Variants in SUPT3H observed in about 807,000 individuals in gnomAD.
SUPT3H encodes the protein transcription initiation protein SPT3 homolog.
SUPT3H carries 44 observed loss-of-function variants against 44.3 expected under a neutral mutation model. The observed-to-expected ratio is 0.99, with a 90% CI of 0.78 to 1.28. SUPT3H has a LOEUF of 1.28. Ranked by LOEUF, SUPT3H falls within the 50% of genes most tolerant of loss-of-function variation. SUPT3H has a pLI of 0.00. For synonymous variants in SUPT3H, 124 were observed against 125.6 expected, an observed-to-expected ratio of 0.99 and a Z score of 0.09; for missense variants, 380 against 387.1, an observed-to-expected ratio of 0.98 and a Z score of 0.15.
At chr6:45,182,025 C>T (rs575415124) in intron 2 of SUPT3H, among the ~76,000 whole-genome samples, 1 of 152,080 alleles carries the variant, frequency 6.6e-6, no homozygotes, top group Non-Finnish European at 1.5e-5. Context: ...TCCTTTTTCT[C>T]TGAACATAAT....
chr6:45,288,418 A>T (rs6940983), intron 2 of SUPT3H, among the ~76,000 whole-genome samples: 20,035 of 151,700 alleles, frequency 0.13, 1,538 homozygotes, highest in East Asian at 0.26. Context: ...AAACATAATA[A>T]CTATGCAATG....
At chr6:45,330,476 T>TCAAA (rs1391850503) in intron 2 of SUPT3H, among the ~76,000 whole-genome samples, 2 of 152,028 alleles carry the variant, frequency 1.3e-5, no homozygotes, top group African/African-American at 4.8e-5. Flanking sequence ...ACGTTATCAC[T>TCAAA]CTGTTTAACT....
At chr6:45,133,554 C>T (rs2153585555) in intron 2 of SUPT3H, among the ~76,000 whole-genome samples, 1 of 152,266 alleles carries the variant, frequency 6.6e-6, no homozygotes, top group Admixed American at 6.5e-5. Flanking sequence ...CTTGACAAAA[C>T]TGAAAAACAA....
intron 9 of SUPT3H, among the ~76,000 whole-genome samples, chr6:44,933,732 C>G (rs1187037435): frequency 2.6e-5 from 4 of 152,222 alleles, no homozygotes; most frequent in African/African-American, 9.6e-5. Context: ...AAGCCTCAAA[C>G]TTCTGGGCTC....
intron 2 of SUPT3H, among the ~76,000 whole-genome samples, chr6:45,340,901 T>G (rs998704781): frequency 6.6e-6 from 1 of 152,178 alleles, no homozygotes; most frequent in Non-Finnish European, 1.5e-5. Flanking sequence ...GTAGCATTCC[T>G]TATACTATGG....
intron 2 of SUPT3H, among the ~76,000 whole-genome samples, chr6:45,294,634 G>A (rs139274885): frequency 0.019 from 2,663 of 143,772 alleles, 50 homozygotes; most frequent in South Asian, 0.09. Context: ...CAAAGTTCCC[G>A]GACACAAAAT....
At chr6:45,279,711 C>T (rs957179134) in intron 2 of SUPT3H, among the ~76,000 whole-genome samples, 1 of 152,046 alleles carries the variant, frequency 6.6e-6, no homozygotes, top group Non-Finnish European at 1.5e-5. Flanking sequence ...CATAAATTAC[C>T]GAGTTCACAT....
At chr6:45,223,259 A>G (rs534679634) in intron 2 of SUPT3H, among the ~76,000 whole-genome samples, 1 of 152,254 alleles carries the variant, frequency 6.6e-6, no homozygotes, top group Non-Finnish European at 1.5e-5. Context: ...TCTAATTTTA[A>G]TAGTGTACTA....
intron 10 of SUPT3H, among the ~76,000 whole-genome samples, chr6:44,848,995 A>G (rs961029250): frequency 6.6e-6 from 1 of 152,202 alleles, no homozygotes; most frequent in Non-Finnish European, 1.5e-5. Flanking sequence ...ACACTACCTT[A>G]TAACTTTAAT....
intron 2 of SUPT3H, among the ~76,000 whole-genome samples, chr6:45,207,043 T>A (rs1763321307): frequency 6.6e-6 from 1 of 152,118 alleles, no homozygotes; most frequent in African/African-American, 2.4e-5. Context: ...AACTATAGGT[T>A]AAGTTTAGAT....
At chr6:44,998,812 T>C (rs1781612945) in intron 6 of SUPT3H, among the ~76,000 whole-genome samples, 1 of 151,996 alleles carries the variant, frequency 6.6e-6, no homozygotes, top group Admixed American at 6.6e-5. Flanking sequence ...TATTTTATTG[T>C]AAAATTTCTA....
In SUPT3H at chr6:45,266,329, T is replaced by A. The variant is rs191664060; in HGVS notation, c.101+98872A>T. ...TAAAATACTTACAACATGGACATCATAAATAATGAGTGCTTAGGACTTGGT... is the reference window on the plus strand; with the variant it reads ...TAAAATACTTACAACATGGACATCAAAAATAATGAGTGCTTAGGACTTGGT... On this transcript the variant is annotated intron_variant, in intron 2 of 10. Coordinates refer to ENST00000371459, the MANE Select transcript of SUPT3H (RefSeq NM_003599.4). Among the ~76,000 whole-genome samples the A allele has an allele frequency of 8.5e-3, 1,287 of 152,022 alleles. 9 individuals carry two copies. Among genetic ancestry groups the A allele is most frequent in the Middle Eastern group, 0.017 (5 of 294 alleles).
chr6:45,087,023 AT>A (rs1796554696), intron 3 of SUPT3H, among the ~76,000 whole-genome samples: 1 of 151,938 alleles, frequency 6.6e-6, no homozygotes, highest in African/African-American at 2.4e-5. Context: ...TCAAACAAAA[AT>A]TTCTGTTCCA....
chr6:45,345,294 G>A (rs1389837039), intron 2 of SUPT3H, among the ~76,000 whole-genome samples: 2 of 152,062 alleles, frequency 1.3e-5, no homozygotes, highest in East Asian at 3.8e-4. Flanking sequence ...TATTTGCTAT[G>A]AGGTTGACAG....
intron 2 of SUPT3H, among the ~76,000 whole-genome samples, chr6:45,315,785 C>A (rs936628612): frequency 1.3e-5 from 2 of 152,132 alleles, no homozygotes; most frequent in Non-Finnish European, 2.9e-5. Context: ...TGGGTATCTA[C>A]CCTGAGGAAA....
chr6:44,954,151 C>A (rs1350553511), intron 8 of SUPT3H, among the ~76,000 whole-genome samples: 2 of 152,202 alleles, frequency 1.3e-5, no homozygotes, highest in African/African-American at 2.4e-5. Flanking sequence ...TTGGTAAGTA[C>A]TCCTAAATTC....
chr6:44,845,316 C>T (rs778311046), intron 10 of SUPT3H, among the ~76,000 whole-genome samples: 1 of 152,226 alleles, frequency 6.6e-6, no homozygotes, highest in Non-Finnish European at 1.5e-5. Context: ...CATTCATAAG[C>T]TATCATTGTG....
intron 2 of SUPT3H, among the ~76,000 whole-genome samples, chr6:45,351,198 CA>C (rs1167315155): frequency 6.6e-6 from 1 of 151,918 alleles, no homozygotes; most frequent in Admixed American, 6.6e-5. Flanking sequence ...AAGATACATA[CA>C]AAAAAATTAT....
intron 10 of SUPT3H, among the ~76,000 whole-genome samples, chr6:44,850,519 GATC>G (rs1772687987): frequency 6.6e-6 from 1 of 151,982 alleles, no homozygotes; most frequent in African/African-American, 2.4e-5. Context: ...AGACTTATTA[GATC>G]ATCAAGTCTG....
Sources: allele counts gnomAD v4.1 joint callset (sites outside exome capture counted in the v4.1 genomes callset), GRCh38; gene constraint gnomAD v4.1.1; transcripts MANE v1.5; gene names NCBI Gene and HGNC (gene_info 2026-07-23, HGNC 2026-07-21).